Variants in RHBDL3 observed in about 807,000 individuals in gnomAD.
RHBDL3 encodes the protein rhomboid-related protein 3.
A neutral mutation model predicts 48.2 loss-of-function variants in RHBDL3; 28 were observed. The ratio of observed to expected loss-of-function variants is 0.58; its 90% CI spans 0.43 to 0.80. The LOEUF (loss-of-function observed/expected upper bound fraction) is 0.80. Among genes scored for constraint, RHBDL3 ranks in the 30% least tolerant of loss-of-function variants. The pLI, the probability that RHBDL3 is intolerant of heterozygous loss-of-function variation, is 0.00. For missense variants in RHBDL3, 464 were observed against 542.7 expected, an observed-to-expected ratio of 0.85 and a Z score of 1.44; for synonymous variants, 208 against 232.3, an observed-to-expected ratio of 0.90 and a Z score of 0.95.
At chr17:32,316,718 A>G (rs1201033524) in intron 8 of RHBDL3, among the ~76,000 whole-genome samples, 1 of 151,906 alleles carries the variant, frequency 6.6e-6, no homozygotes, top group Admixed American at 6.6e-5. Context: ...GGGTCTTGCC[A>G]TGTTGCCCAG....
At chr17:32,267,655 G>GGGGCGC in intron 1 of RHBDL3, 1 of 306,120 alleles carries the variant, frequency 3.3e-6, no homozygotes, top group Non-Finnish European at 5.7e-6. Context: ...CACCCACCTT[G>GGGGCGC]CCGCCCCCGC....
Position 32,321,183 on chromosome 17 carries a change from T to C in RHBDL3, c.1169T>C (p.Ile390Thr). ...VFVLFAVFWN[I>T]FAYTLLDLKL... Reference sequence around the variant, plus strand: ...GTGCTGTTCGCTGTCTTCTGGAACATCTTTGCCTACACCCTGCTGGACTTA... The same window carrying C: ...GTGCTGTTCGCTGTCTTCTGGAACACCTTTGCCTACACCCTGCTGGACTTA... The change falls in exon 9 of 9, where the codon ATC becomes ACC. Residue 390 changes from isoleucine to threonine, a missense_variant. Ile to Thr is a moderately conservative substitution (Grantham distance 89, BLOSUM62 -1). Transcript: ENST00000269051. 1 of 1,614,148 alleles carries C rather than the reference T, an allele frequency of 6.2e-7. No homozygotes were observed. Among genetic ancestry groups the C allele is most frequent in the South Asian group, 1.1e-5 (1 of 91,086 alleles).
At chr17:32,273,539 G>A (rs939186197) in intron 2 of RHBDL3, among the ~76,000 whole-genome samples, 1 of 152,202 alleles carries the variant, frequency 6.6e-6, no homozygotes, top group Non-Finnish European at 1.5e-5. Flanking sequence ...GGCAAGCCAG[G>A]TGACCTCTTC....
At chr17:32,317,573 T>C (rs994092129) in intron 8 of RHBDL3, among the ~76,000 whole-genome samples, 6 of 152,122 alleles carry the variant, frequency 3.9e-5, no homozygotes, top group African/African-American at 9.7e-5. Flanking sequence ...AACTAACATA[T>C]AGATGGGTGA....
intron 7 of RHBDL3, among the ~76,000 whole-genome samples, chr17:32,309,131 C>T (rs971516796): frequency 6.6e-6 from 1 of 151,876 alleles, no homozygotes; most frequent in Non-Finnish European, 1.5e-5. Context: ...TCATATCGTT[C>T]TACCTAATAG....
At chr17:32,314,910 T>C (rs1436765033) in intron 7 of RHBDL3, among the ~76,000 whole-genome samples, 1 of 152,152 alleles carries the variant, frequency 6.6e-6, no homozygotes, top group Non-Finnish European at 1.5e-5. Context: ...GCATGGAACA[T>C]GTCGGCAAGC....
chr17:32,309,027 T>C (rs1289695338), intron 7 of RHBDL3, among the ~76,000 whole-genome samples: 1 of 149,238 alleles, frequency 6.7e-6, no homozygotes, highest in Non-Finnish European at 1.5e-5. Context: ...GATCACACCA[T>C]TGCACTCTAG....
chr17:32,297,570 GT>G (rs1235561022), intron 5 of RHBDL3, among the ~76,000 whole-genome samples: 2 of 149,756 alleles, frequency 1.3e-5, no homozygotes, highest in African/African-American at 2.4e-5. Context: ...CTGAACTGTT[GT>G]GTCAGCGTGG....
chr17:32,275,051 G>C (rs2039863477), intron 2 of RHBDL3, among the ~76,000 whole-genome samples: 1 of 152,092 alleles, frequency 6.6e-6, no homozygotes. Flanking sequence ...TGGATCTGTT[G>C]GCTCTCTCTC....
At chr17:32,305,696 C>T (rs1023458015) in intron 7 of RHBDL3, among the ~76,000 whole-genome samples, 7 of 152,202 alleles carry the variant, frequency 4.6e-5, no homozygotes, top group African/African-American at 9.7e-5. Context: ...CATTCACCAA[C>T]GTTAAAGAGT....
chr17:32,270,646 TAGC>T (rs1386737192), intron 2 of RHBDL3, among the ~76,000 whole-genome samples: 1 of 152,048 alleles, frequency 6.6e-6, no homozygotes, highest in African/African-American at 2.4e-5. Context: ...GCAGGAGTGT[TAGC>T]AGGGCCAATC....
rs573996305 is a variant in RHBDL3, at chr17:32,294,457, T to C, written c.668+15T>C. On this transcript the variant is annotated intron_variant, in intron 5 of 8. Coordinates refer to ENST00000269051, the MANE Select transcript of RHBDL3 (RefSeq NM_138328.3). ...ATGCATGCAGGGTGAGTACCTGTCTTCTTTTGCTCTGTCAAAAGACCCTAC... is the reference window on the plus strand; with the variant it reads ...ATGCATGCAGGGTGAGTACCTGTCTCCTTTTGCTCTGTCAAAAGACCCTAC... The C allele has an allele frequency of 5.2e-5, 84 of 1,610,332 alleles. No individual in the cohort carries two copies. The highest frequency in any genetic ancestry group is 6.5e-5 in the Non-Finnish European group (77 of 1,178,426).
At chr17:32,318,045 CAA>C (rs746116660) in intron 8 of RHBDL3, among the ~76,000 whole-genome samples, 9 of 114,850 alleles carry the variant, frequency 7.8e-5, no homozygotes, top group Admixed American at 9.3e-5. Flanking sequence ...CTTGTCTCTA[CAA>C]AAAAAAAAAA....
intron 7 of RHBDL3, among the ~76,000 whole-genome samples, chr17:32,314,385 A>AT (rs201900669): frequency 5.3e-5 from 8 of 149,554 alleles, no homozygotes; most frequent in South Asian, 4.2e-4. Flanking sequence ...GCTTTTTTTT[A>AT]TTTTTATTTT....
At position 32,305,435 on chromosome 17, in the gene RHBDL3, T is replaced by C. The variant is rs775325414; in HGVS notation, c.876T>C (p.Ile292=). ...TCGTCTCTGCCCATCTGGCCAACAT[T>C]GTCATGGTGAGCACCTCCCGTTCTC... ...YALVSAHLAN[I]VMNWSGMKCQ... is the part of the protein sequence containing the mutation. The change falls in exon 7 of 9, where the codon ATT becomes ATC. Residue 292 remains isoleucine, a synonymous_variant. Coordinates refer to ENST00000269051, the MANE Select transcript of RHBDL3 (RefSeq NM_138328.3). 2.5e-6 allele frequency: 4 copies of C among 1,604,472 alleles called. No individual in the cohort carries two copies. In the East Asian group the frequency reaches 6.7e-5, roughly 27 times the overall value.
At chr17:32,275,030 C>T (rs2039863090) in intron 2 of RHBDL3, among the ~76,000 whole-genome samples, 3 of 152,180 alleles carry the variant, frequency 2.0e-5, no homozygotes, top group Admixed American at 2.0e-4. Context: ...TCTTGCTCCC[C>T]TCCTTCTCCC....
rs2041213717 is a variant in RHBDL3, at chr17:32,324,500, A to G, written c.*3271A>G. The G allele has an allele frequency of 6.5e-6, 1 of 152,698 alleles. No homozygotes were observed. The highest frequency in any genetic ancestry group is 1.5e-5 in the Non-Finnish European group (1 of 68,052). The allele number at this position is 152,698 out of a possible 1,614,324, so 9.5% of individuals were successfully genotyped here. ...CTCTGCCTTAAAAACAGTGCCCAACAGTGAACTGCCCCTCCGAGGACTTGA... is the reference window on the plus strand; with the variant it reads ...CTCTGCCTTAAAAACAGTGCCCAACGGTGAACTGCCCCTCCGAGGACTTGA... On this transcript the variant is annotated 3_prime_UTR_variant, in exon 9 of 9. Transcript: ENST00000269051.
At chr17:32,306,644 G>A (rs927349857) in intron 7 of RHBDL3, among the ~76,000 whole-genome samples, 1 of 152,190 alleles carries the variant, frequency 6.6e-6, no homozygotes, top group Non-Finnish European at 1.5e-5. Context: ...TGGGAGCTGG[G>A]CACAGTGGCT....
intron 2 of RHBDL3, among the ~76,000 whole-genome samples, chr17:32,272,461 C>G (rs140543485): frequency 7.9e-4 from 121 of 152,344 alleles, no homozygotes; most frequent in African/African-American, 2.8e-3. Context: ...GCCCCAGAGA[C>G]AGGGTGTTGG....
Sources: gnomAD v4.1 joint callset for allele counts (sites outside exome capture counted in the v4.1 genomes callset) on GRCh38, gnomAD v4.1.1 for gene constraint, MANE v1.5 for transcripts, NCBI Gene and HGNC (gene_info 2026-07-23, HGNC 2026-07-21) for gene names.